NCOR1: variants seen among roughly 807,000 people sequenced by gnomAD.
NCOR1 encodes protein phosphatase 1, regulatory subunit 109.
In NCOR1, 63 loss-of-function variants were observed where a neutral mutation model predicts 288.1. The observed-to-expected ratio is 0.22, with a 90% CI of 0.18 to 0.27. The LOEUF is 0.27. Among genes scored for constraint, NCOR1 ranks in the 10% least tolerant of loss-of-function variants. The pLI is 1.00. For missense variants in NCOR1, 2,397 were observed against 3,019.2 expected, an observed-to-expected ratio of 0.79 and a Z score of 4.83; for synonymous variants, 1,007 against 1,065.9, an observed-to-expected ratio of 0.94 and a Z score of 1.08.
chr17:16,091,856 T>A lies in NCOR1; in HGVS notation c.3016+7A>T. 1.2e-6 allele frequency: 2 copies of A among 1,614,050 alleles called. No individual in the cohort carries two copies. Among genetic ancestry groups the A allele is most frequent in the Non-Finnish European group, 1.7e-6 (2 of 1,180,030 alleles). On this transcript the variant is annotated splice_region_variant and intron_variant, in intron 22 of 45. Transcript: ENST00000268712. ...AAGTTCTCTTGGTGATAGCTCTATC[T>A]ACCTACCTTCCCACTCTCTGTTTGG...
Position 16,097,581 on chromosome 17 carries a change from G to C in NCOR1, c.2820+786C>G, listed in dbSNP as rs1025388445. On this transcript the variant is annotated intron_variant, in intron 21 of 45. Transcript: ENST00000268712. ...AGGCTGGTGAACACGTGGAGTTGCT[G>C]GGAGGGAGGCAGACCTAGATAGGAG... Among the ~76,000 whole-genome samples, 4 of 152,196 alleles carry C rather than the reference G, an allele frequency of 2.6e-5. No homozygotes were observed. In the East Asian group the frequency reaches 7.7e-4, roughly 29 times the overall value.
chr17:16,202,038 A>G (rs2090881802), intron 1 of NCOR1, among the ~76,000 whole-genome samples: 2 of 152,010 alleles, frequency 1.3e-5, no homozygotes, highest in Admixed American at 1.3e-4. Context: ...CAGCCTGACC[A>G]ACATGTGAAA....
chr17:16,056,748 A>G (rs917642544), intron 40 of NCOR1, among the ~76,000 whole-genome samples: 1 of 152,200 alleles, frequency 6.6e-6, no homozygotes, highest in Admixed American at 6.5e-5. Flanking sequence ...AATATCAGGT[A>G]AGAAGATATG....
chr17:16,193,110 T>A (rs2088901376), intron 2 of NCOR1, among the ~76,000 whole-genome samples: 1 of 152,212 alleles, frequency 6.6e-6, no homozygotes, highest in Non-Finnish European at 1.5e-5. Flanking sequence ...ATGTTGTTCA[T>A]CTTCATTTTC....
chr17:16,197,247 A>G (rs178807), intron 1 of NCOR1, among the ~76,000 whole-genome samples: 90,390 of 150,952 alleles, frequency 0.6, 27,814 homozygotes, highest in African/African-American at 0.73. Flanking sequence ...CTTGAAGCTG[A>G]GAGGCAGAGG....
chr17:16,079,233 T>A (rs994355687), intron 26 of NCOR1, among the ~76,000 whole-genome samples: 1 of 152,190 alleles, frequency 6.6e-6, no homozygotes, highest in Admixed American at 6.5e-5. Flanking sequence ...TCTAGGTGAT[T>A]CTGATGCTCC....
intron 4 of NCOR1, among the ~76,000 whole-genome samples, chr17:16,168,050 G>A (rs2082364552): frequency 6.6e-6 from 1 of 151,622 alleles, no homozygotes; most frequent in Non-Finnish European, 1.5e-5. Flanking sequence ...TACAAAACAG[G>A]AAAAATAACC....
At chr17:16,073,779 G>T (rs1014896254) in intron 27 of NCOR1, among the ~76,000 whole-genome samples, 7 of 152,140 alleles carry the variant, frequency 4.6e-5, no homozygotes, top group Non-Finnish European at 7.3e-5. Context: ...CATAAGCTAG[G>T]CTTGCAGGTA....
chr17:16,168,743 G>T (rs1205252632), intron 4 of NCOR1, among the ~76,000 whole-genome samples: 1 of 151,914 alleles, frequency 6.6e-6, no homozygotes, highest in Non-Finnish European at 1.5e-5. Context: ...GGCCAAAGCG[G>T]GCAGATCACC....
intron 3 of NCOR1, among the ~76,000 whole-genome samples, chr17:16,182,175 T>C (rs895786280): frequency 3.9e-5 from 6 of 152,154 alleles, no homozygotes; most frequent in African/African-American, 1.4e-4. Context: ...AAAATTGGAA[T>C]AGTATTCACA....
rs1292193795 is a variant in NCOR1, at chr17:16,196,218, T to C, written c.-70-1579A>G. 2.6e-5 allele frequency among the ~76,000 whole-genome samples: 4 copies of C among 151,338 alleles called. No individual in the cohort carries two copies. The East Asian group carries it at 7.7e-4, about 29-fold the overall frequency. ...TTTTATTAGTAAAGTTTTAATTTTG[T>C]TTCCATCATTTCAAGGGATTTGGGA... On this transcript the variant is annotated intron_variant, in intron 1 of 45. Coordinates refer to ENST00000268712, the MANE Select transcript of NCOR1 (RefSeq NM_006311.4).
At chr17:16,043,039 A>C (rs2058030177) in intron 42 of NCOR1, among the ~76,000 whole-genome samples, 1 of 152,220 alleles carries the variant, frequency 6.6e-6, no homozygotes, top group South Asian at 2.1e-4. Flanking sequence ...CAGGCAAAGC[A>C]AGACTGAGCT....
Position 16,092,687 on chromosome 17 carries a change from ATATATATATTTTTTT to A in NCOR1, c.2821-644_2821-630del, listed in dbSNP as rs1288265838. 2.7e-3 allele frequency among the ~76,000 whole-genome samples: 31 copies of A among 11,550 alleles called. 1 individual carries two copies. In the East Asian group the frequency reaches 0.03, roughly 11 times the overall value. 7.6% of individuals were successfully genotyped at this position (11,550 alleles called of 152,430 possible). On this transcript the variant is annotated intron_variant, in intron 21 of 45. Coordinates refer to ENST00000268712, the MANE Select transcript of NCOR1 (RefSeq NM_006311.4). ...TATATATATATATATATATATATAT[ATATATATATTTTTTT>A]TTTTTTTTTTTTTTAAGACATAGTC...
intron 3 of NCOR1, among the ~76,000 whole-genome samples, chr17:16,178,758 AG>A (rs1353658200): frequency 6.6e-6 from 1 of 152,046 alleles, no homozygotes; most frequent in East Asian, 1.9e-4. Flanking sequence ...TTTAGATATT[AG>A]GGGACAAGTA....
Position 16,146,322 on chromosome 17 carries a change from AAC to A in NCOR1, c.1082+52_1082+53del. 4 of 1,506,004 alleles carry A rather than the reference AAC, an allele frequency of 2.7e-6. No homozygotes were observed. The South Asian group carries it at 4.1e-5, about 15-fold the overall frequency. 93.3% of individuals were successfully genotyped at this position (1,506,004 alleles called of 1,614,324 possible). A position where few individuals can be genotyped will look rare whatever the true frequency, so the allele number is the denominator to read the frequency against. On this transcript the variant is annotated intron_variant, in intron 10 of 45. Transcript: ENST00000268712. Reference sequence around the variant, plus strand: ...ACTAAAAAAATTTTTAAAAAAAAGAAACAATAAATATTTGAAGAAAAATATCA... The same window carrying A: ...ACTAAAAAAATTTTTAAAAAAAAGAAAATAAATATTTGAAGAAAAATATCA...
chr17:16,128,377 CACCACAG>C (rs1448187867), intron 14 of NCOR1, among the ~76,000 whole-genome samples: 2 of 152,168 alleles, frequency 1.3e-5, no homozygotes, highest in African/African-American at 4.8e-5. Flanking sequence ...CTTCCCTCTC[CACCACAG>C]ACCACACCTG....
chr17:16,179,782 C>T (rs201640799), intron 3 of NCOR1, among the ~76,000 whole-genome samples: 2 of 151,846 alleles, frequency 1.3e-5, no homozygotes, highest in Non-Finnish European at 2.9e-5. Flanking sequence ...TTGGGAGGCC[C>T]AGGCGGGCGG....
At chr17:16,072,621 G>T (rs1367253250) in intron 28 of NCOR1, among the ~76,000 whole-genome samples, 2 of 152,186 alleles carry the variant, frequency 1.3e-5, no homozygotes, top group African/African-American at 2.4e-5. Context: ...TGTATTAAAT[G>T]AAACATGCAA....
At chr17:16,064,328 A>G (rs2152660408) in intron 34 of NCOR1, 141 bp from the exon 35 acceptor site, 2 of 1,096,428 alleles carry the variant, frequency 1.8e-6, no homozygotes, top group South Asian at 1.5e-5. Context: ...GGCTGGGTGC[A>G]GTGGCTGACA....
Sources: gnomAD v4.1 joint callset for allele counts (sites outside exome capture counted in the v4.1 genomes callset) on GRCh38, gnomAD v4.1.1 for gene constraint, MANE v1.5 for transcripts, NCBI Gene and HGNC (gene_info 2026-07-23, HGNC 2026-07-21) for gene names.